The following DSCAM variants were observed in gnomAD, a reference collection of about 807,000 sequenced individuals.
DSCAM encodes the protein DS cell adhesion molecule.
Under a neutral mutation model 217.7 loss-of-function variants are expected in DSCAM, and 47 were observed. That is an observed-to-expected ratio of 0.22 (90% CI 0.17 to 0.28). DSCAM has a LOEUF of 0.28. DSCAM is among the 10% of genes least tolerant of loss of function. The pLI is 1.00. For missense variants in DSCAM, 2,080 were observed against 2,618.3 expected, an observed-to-expected ratio of 0.79 and a Z score of 4.49; for synonymous variants, 1,056 against 1,015.3, an observed-to-expected ratio of 1.04 and a Z score of -0.76.
intron 10 of DSCAM, among the ~76,000 whole-genome samples, chr21:40,287,884 T>C (rs1159659711): frequency 6.6e-6 from 1 of 151,992 alleles, no homozygotes; most frequent in African/African-American, 2.4e-5. Flanking sequence ...CAAATAATGG[T>C]GGATTCTCTG....
intron 19 of DSCAM, among the ~76,000 whole-genome samples, chr21:40,128,703 A>C (rs1049180268): frequency 2.8e-4 from 42 of 150,968 alleles, no homozygotes; most frequent in African/African-American, 9.5e-4. Context: ...ACCAAACAAA[A>C]AAAAAAAAAA....
chr21:40,059,789 A>T (rs543006855), intron 28 of DSCAM, among the ~76,000 whole-genome samples: 1 of 152,224 alleles, frequency 6.6e-6, no homozygotes, highest in Non-Finnish European at 1.5e-5. Flanking sequence ...CCTAGAGCAC[A>T]GACTTGTGGT....
intron 10 of DSCAM, 30 bp from the exon 11 acceptor site, chr21:40,276,300 A>C: frequency 6.4e-7 from 1 of 1,563,018 alleles, no homozygotes; most frequent in Non-Finnish European, 8.7e-7. Context: ...ACGAGCAATG[A>C]TGCAAACGAG....
intron 8 of DSCAM, among the ~76,000 whole-genome samples, chr21:40,322,671 CCCG>C (rs2074272529): frequency 6.6e-6 from 1 of 151,914 alleles, no homozygotes; most frequent in Non-Finnish European, 1.5e-5. Context: ...ACTACAGGTG[CCCG>C]CCATTACACC....
chr21:40,089,790 C>T (rs900327059), intron 21 of DSCAM, among the ~76,000 whole-genome samples: 3 of 152,138 alleles, frequency 2.0e-5, no homozygotes, highest in African/African-American at 7.2e-5. Context: ...CACTCCCTAG[C>T]TTATCCCCTT....
At chr21:40,513,158 C>G (rs961019886) in intron 3 of DSCAM, 3 of 152,230 alleles carry the variant, frequency 2.0e-5, no homozygotes, top group Non-Finnish European at 2.9e-5. Context: ...GCCTTGGCCT[C>G]CCAAAGTGCT....
chr21:40,086,219 G>A (rs2089530294), intron 22 of DSCAM, among the ~76,000 whole-genome samples: 1 of 152,170 alleles, frequency 6.6e-6, no homozygotes, highest in Non-Finnish European at 1.5e-5. Flanking sequence ...ATTTTGACAT[G>A]AAAAATGACA....
chr21:40,305,025 A>G (rs1026283435), intron 9 of DSCAM, among the ~76,000 whole-genome samples: 1 of 152,186 alleles, frequency 6.6e-6, no homozygotes, highest in African/African-American at 2.4e-5. Context: ...AATGGTCCCC[A>G]TAGACTTGCT....
chr21:40,650,725 C>A (rs1165571454), intron 3 of DSCAM, among the ~76,000 whole-genome samples: 1 of 152,130 alleles, frequency 6.6e-6, no homozygotes, highest in African/African-American at 2.4e-5. Flanking sequence ...ACCAGCCTGG[C>A]CAATATGATG....
chr21:40,794,581 A>G (rs900958072), intron 1 of DSCAM, among the ~76,000 whole-genome samples: 2 of 151,696 alleles, frequency 1.3e-5, no homozygotes, highest in South Asian at 2.1e-4. Flanking sequence ...AAAGTGAACC[A>G]TTGCATCAAC....
chr21:40,347,928 T>C lies in DSCAM; in HGVS notation c.952A>G (p.Ile318Val), dbSNP rs2074577297. The C allele has an allele frequency of 6.2e-7, 1 of 1,612,712 alleles. No individual in the cohort carries two copies. Residue 318 changes from isoleucine to valine, a missense_variant, in exon 6 of 33, where the codon ATC becomes GTC. This residue lies in a region of DSCAM where 568 missense variants were observed against 678.1 expected (regional missense o/e 0.84). Transcript: ENST00000400454. ...LYVKQPLKAT[I>V]SPRKVKSSVG... ...CTGCTTTTAACCTTCCTGGGACTGA[T>C]GGTGGCTTTCAGTGGCTCTGGAGGT...
intron 20 of DSCAM, among the ~76,000 whole-genome samples, chr21:40,097,786 A>G (rs1053133388): frequency 6.6e-6 from 1 of 151,694 alleles, no homozygotes; most frequent in East Asian, 1.9e-4. Flanking sequence ...CTAAAAACAC[A>G]AAAAATTAGC....
chr21:40,357,976 A>C (rs1204158196), intron 4 of DSCAM, among the ~76,000 whole-genome samples: 4 of 152,192 alleles, frequency 2.6e-5, no homozygotes, highest in Non-Finnish European at 5.9e-5. Context: ...GTACTATGAA[A>C]AAATAGCTGC....
intron 8 of DSCAM, among the ~76,000 whole-genome samples, chr21:40,335,192 T>C (rs1020991650): frequency 1.3e-5 from 2 of 152,170 alleles, no homozygotes; most frequent in Non-Finnish European, 2.9e-5. Flanking sequence ...CTGAAAAATT[T>C]GGCAAGCCCC....
At chr21:40,074,167 T>TG (rs1475254714) in intron 27 of DSCAM, among the ~76,000 whole-genome samples, 1 of 152,208 alleles carries the variant, frequency 6.6e-6, no homozygotes, top group Non-Finnish European at 1.5e-5. Flanking sequence ...GGATATGTTT[T>TG]GAGGAGAGAG....
chr21:40,721,138 C>T (rs1258125723), intron 1 of DSCAM, among the ~76,000 whole-genome samples: 1 of 152,094 alleles, frequency 6.6e-6, no homozygotes, highest in Admixed American at 6.6e-5. Context: ...TTAATCATAA[C>T]AAAATTTAAA....
intron 1 of DSCAM, among the ~76,000 whole-genome samples, chr21:40,753,138 G>A (rs1385038677): frequency 6.6e-6 from 1 of 152,174 alleles, no homozygotes; most frequent in Admixed American, 6.5e-5. Flanking sequence ...GTACCCCAGA[G>A]GTACTTGATG....
Position 40,078,679 on chromosome 21 carries a change from C to A in DSCAM, c.4711+8G>T. 1 of 1,608,628 alleles carries A rather than the reference C, an allele frequency of 6.2e-7. No homozygotes were observed. Among genetic ancestry groups the A allele is most frequent in the Non-Finnish European group, 8.5e-7 (1 of 1,176,028 alleles). On this transcript the variant is annotated splice_region_variant and intron_variant, in intron 26 of 32. Coordinates refer to ENST00000400454, the MANE Select transcript of DSCAM (RefSeq NM_001389.5). ...CAAGCAGGAGAGCCACAAAGCCAGC[C>A]AGCTTACTGCCATCGTAGTTCAGCG...
At chr21:40,566,109 A>G (rs1477356017) in intron 3 of DSCAM, among the ~76,000 whole-genome samples, 1 of 152,048 alleles carries the variant, frequency 6.6e-6, no homozygotes, top group African/African-American at 2.4e-5. Context: ...TCTTTCACAT[A>G]TATTATTATT....
Sources: allele counts gnomAD v4.1 joint callset (sites outside exome capture counted in the v4.1 genomes callset), GRCh38; gene constraint gnomAD v4.1.1; regional missense constraint gnomAD v4.1.1; transcripts MANE v1.5; gene names NCBI Gene and HGNC (gene_info 2026-07-23, HGNC 2026-07-21).